Variants in SYT16 observed in about 807,000 individuals in gnomAD.
SYT16 encodes synaptotagmin-16.
A neutral mutation model predicts 61.4 loss-of-function variants in SYT16; 42 were observed. The observed-to-expected ratio is 0.68, with a 90% CI of 0.53 to 0.89. SYT16 has a LOEUF of 0.89. SYT16 is among the 40% of genes least tolerant of loss of function. The probability of loss-of-function intolerance (pLI) is 0.00; values close to 1 mark genes in which losing one functional copy is unlikely to be tolerated. For synonymous variants in SYT16, 314 were observed against 302.3 expected, an observed-to-expected ratio of 1.04 and a Z score of -0.40; for missense variants, 804 against 807.3, an observed-to-expected ratio of 1.00 and a Z score of 0.05.
At chr14:62,001,278 C>CT (rs577019257) in intron 3 of SYT16, among the ~76,000 whole-genome samples, 2 of 152,024 alleles carry the variant, frequency 1.3e-5, no homozygotes, top group East Asian at 3.9e-4. Flanking sequence ...TTTAACATTT[C>CT]TTATACTGTA....
chr14:61,918,215 T>C (rs571735703), intron 1 of SYT16, among the ~76,000 whole-genome samples: 84 of 152,330 alleles, frequency 5.5e-4, no homozygotes, highest in Non-Finnish European at 1.0e-3. Context: ...AGGTCAAGTT[T>C]GTTGTTCTGT....
chr14:61,986,778 G>A (rs1349767028), intron 2 of SYT16, among the ~76,000 whole-genome samples: 1 of 152,146 alleles, frequency 6.6e-6, no homozygotes, highest in Non-Finnish European at 1.5e-5. Flanking sequence ...AAAGACTGTA[G>A]AAACATGCAA....
chr14:62,075,527 C>T lies in SYT16; in HGVS notation c.993+136C>T, dbSNP rs2056457382. The T allele has an allele frequency of 8.1e-6, 8 of 991,448 alleles. No individual in the cohort carries two copies. In the South Asian group the frequency reaches 2.4e-4, roughly 29 times the overall value. 61.4% of individuals were successfully genotyped at this position (991,448 alleles called of 1,614,324 possible). ...ACTTTTATCTGCAATAAATTTTTGTCCAGATGACCAAAATCCCATGCATGT... is the reference window on the plus strand; with the variant it reads ...ACTTTTATCTGCAATAAATTTTTGTTCAGATGACCAAAATCCCATGCATGT... On this transcript the variant is annotated intron_variant, in intron 5 of 7. Transcript: ENST00000683842.
At chr14:62,052,031 C>G (rs2055326509) in intron 3 of SYT16, among the ~76,000 whole-genome samples, 2 of 152,138 alleles carry the variant, frequency 1.3e-5, no homozygotes, top group Non-Finnish European at 2.9e-5. Context: ...TTTATCGTCT[C>G]TGATTTTGTT....
At chr14:61,915,150 A>T (rs1435654504) in intron 1 of SYT16, among the ~76,000 whole-genome samples, 1 of 152,178 alleles carries the variant, frequency 6.6e-6, no homozygotes, top group African/African-American at 2.4e-5. Context: ...CATAAATAGG[A>T]TAATGAGGAT....
intron 1 of SYT16, among the ~76,000 whole-genome samples, chr14:61,960,732 C>G (rs1188519450): frequency 6.6e-6 from 1 of 152,090 alleles, no homozygotes; most frequent in Non-Finnish European, 1.5e-5. Flanking sequence ...GACTGCCGTA[C>G]TATGTTGAGT....
At chr14:62,000,536 G>GT (rs1217252018) in intron 3 of SYT16, among the ~76,000 whole-genome samples, 2 of 151,808 alleles carry the variant, frequency 1.3e-5, no homozygotes, top group East Asian at 3.9e-4. Flanking sequence ...TTAACTGTTT[G>GT]TATTTAATAT....
chr14:61,854,881 C>A (rs2046727771), intron 1 of SYT16, among the ~76,000 whole-genome samples: 1 of 151,766 alleles, frequency 6.6e-6, no homozygotes, highest in African/African-American at 2.4e-5. Flanking sequence ...ATGGCATGCA[C>A]AGTGAATATT....
intron 3 of SYT16, among the ~76,000 whole-genome samples, chr14:62,026,213 C>T (rs1267768688): frequency 6.6e-6 from 1 of 152,140 alleles, no homozygotes; most frequent in Non-Finnish European, 1.5e-5. Context: ...GGGAATGTCT[C>T]CCATGATCCA....
At chr14:61,954,962 A>G (rs10141984) in intron 1 of SYT16, among the ~76,000 whole-genome samples, 47,489 of 152,070 alleles carry the variant, frequency 0.31, 8,356 homozygotes, top group East Asian at 0.75. Flanking sequence ...TATATTTTGA[A>G]TTTAAAACTT....
At chr14:61,840,146 C>G (rs2046260279) in intron 1 of SYT16, among the ~76,000 whole-genome samples, 1 of 152,032 alleles carries the variant, frequency 6.6e-6, no homozygotes, top group Non-Finnish European at 1.5e-5. Context: ...CAAGTTTAGA[C>G]AACTGGTGGG....
chr14:62,010,250 C>T (rs530413668), intron 3 of SYT16, among the ~76,000 whole-genome samples: 1 of 152,222 alleles, frequency 6.6e-6, no homozygotes, highest in Non-Finnish European at 1.5e-5. Flanking sequence ...ACCAGCCAAA[C>T]AAATAAATAT....
chr14:62,061,803 T>G (rs918645739), intron 3 of SYT16, among the ~76,000 whole-genome samples: 1 of 152,112 alleles, frequency 6.6e-6, no homozygotes, highest in African/African-American at 2.4e-5. Context: ...TTAGAGATTT[T>G]AACACCTCTT....
chr14:62,029,244 T>G (rs1487127242), intron 3 of SYT16, among the ~76,000 whole-genome samples: 1 of 152,200 alleles, frequency 6.6e-6, no homozygotes, highest in Non-Finnish European at 1.5e-5. Context: ...TTCTTGTGCC[T>G]CAGCCTCCTG....
chr14:61,875,058 CT>C (rs2047444217), intron 1 of SYT16, among the ~76,000 whole-genome samples: 1 of 152,160 alleles, frequency 6.6e-6, no homozygotes, highest in Admixed American at 6.5e-5. Flanking sequence ...TGCCTGGGAG[CT>C]TGTTAGAGCT....
At chr14:61,815,633 GCTGT>G (rs1374249644) in intron 1 of SYT16, among the ~76,000 whole-genome samples, 3 of 152,204 alleles carry the variant, frequency 2.0e-5, no homozygotes, top group Non-Finnish European at 4.4e-5. Flanking sequence ...TAGATAGCAT[GCTGT>G]CTAAGGGCAG....
At chr14:61,850,212 G>A (rs1167927011) in intron 1 of SYT16, among the ~76,000 whole-genome samples, 3 of 150,684 alleles carry the variant, frequency 2.0e-5, no homozygotes, top group Non-Finnish European at 1.5e-5. Flanking sequence ...TCGGCTCACT[G>A]CAACCTCTGC....
At chr14:61,951,177 T>A (rs1196920463) in intron 1 of SYT16, among the ~76,000 whole-genome samples, 1 of 152,204 alleles carries the variant, frequency 6.6e-6, no homozygotes, top group Non-Finnish European at 1.5e-5. Flanking sequence ...TGAACTTATA[T>A]CTGTGGACAG....
At chr14:61,817,508 G>C (rs1009868960) in intron 1 of SYT16, among the ~76,000 whole-genome samples, 1 of 151,882 alleles carries the variant, frequency 6.6e-6, no homozygotes, top group Non-Finnish European at 1.5e-5. Flanking sequence ...GCCACTTACT[G>C]TGCCACAAAT....
Sources: gnomAD v4.1 joint callset for allele counts (sites outside exome capture counted in the v4.1 genomes callset) on GRCh38, gnomAD v4.1.1 for gene constraint, MANE v1.5 for transcripts, NCBI Gene and HGNC (gene_info 2026-07-23, HGNC 2026-07-21) for gene names.